The following NHSL1 variants were observed in gnomAD, a reference collection of about 807,000 sequenced individuals.
NHSL1 encodes the protein NHS like 1.
NHSL1 carries 48 observed loss-of-function variants against 95.0 expected under a neutral mutation model. That is an observed-to-expected ratio of 0.51 (90% CI 0.40 to 0.64). The LOEUF is 0.64. NHSL1 is among the 30% of genes least tolerant of loss of function. The pLI is 0.00. For missense variants in NHSL1, 1,971 were observed against 2,077.7 expected (o/e 0.95, Z 1.00); for synonymous variants, 783 against 833.9 (o/e 0.94, Z 1.05).
intron 1 of NHSL1, among the ~76,000 whole-genome samples, chr6:138,649,321 C>T (rs968523151): frequency 6.6e-6 from 1 of 151,986 alleles, no homozygotes; most frequent in Non-Finnish European, 1.5e-5. Context: ...AATAGCTTTA[C>T]TTCCTCAAGT....
intron 1 of NHSL1, among the ~76,000 whole-genome samples, chr6:138,497,477 C>T (rs1007762840): frequency 6.6e-6 from 1 of 152,108 alleles, no homozygotes; most frequent in African/African-American, 2.4e-5. Context: ...TCCATGTCCC[C>T]AACATAACAT....
At chr6:138,526,953 T>C (rs539284618) in intron 1 of NHSL1, among the ~76,000 whole-genome samples, 1 of 152,328 alleles carries the variant, frequency 6.6e-6, no homozygotes, top group African/African-American at 2.4e-5. Flanking sequence ...CGTGGTAGTT[T>C]TGGGAATTCC....
chr6:138,583,769 C>A (rs1402374166), intron 1 of NHSL1, among the ~76,000 whole-genome samples: 1 of 152,170 alleles, frequency 6.6e-6, no homozygotes, highest in Non-Finnish European at 1.5e-5. Context: ...TCTAATCTGG[C>A]TTGATTAGAT....
intron 1 of NHSL1, among the ~76,000 whole-genome samples, chr6:138,672,359 A>G (rs984402522): frequency 1.3e-5 from 2 of 152,100 alleles, no homozygotes; most frequent in African/African-American, 4.8e-5. Context: ...TTTCATCGCT[A>G]CCTCCTCCCT....
intron 1 of NHSL1, among the ~76,000 whole-genome samples, chr6:138,611,245 C>G (rs1384049369): frequency 6.6e-6 from 1 of 152,100 alleles, no homozygotes; most frequent in African/African-American, 2.4e-5. Context: ...AATCAACAGG[C>G]AGCATTTTAA....
chr6:138,520,105 CAATAAT>C (rs948096851), intron 1 of NHSL1, among the ~76,000 whole-genome samples: 16 of 151,540 alleles, frequency 1.1e-4, no homozygotes, highest in Non-Finnish European at 2.2e-4. Context: ...AGAATAATAA[CAATAAT>C]AACATAATAA....
At chr6:138,473,458 G>T in intron 2 of NHSL1, 25 bp from the exon 3 acceptor site, 1 of 1,389,180 alleles carries the variant, frequency 7.2e-7, no homozygotes, top group South Asian at 1.8e-5. Flanking sequence ...GCAGGGAGGG[G>T]AAGGAGGCCA....
intron 3 of NHSL1, among the ~76,000 whole-genome samples, chr6:138,469,269 T>G (rs766894204): frequency 3.3e-5 from 5 of 152,150 alleles, no homozygotes; most frequent in Admixed American, 6.5e-5. Context: ...TGCACACAAA[T>G]GAAACCCTCA....
intron 1 of NHSL1, among the ~76,000 whole-genome samples, chr6:138,651,440 T>A (rs1220729968): frequency 1.3e-5 from 2 of 152,228 alleles, no homozygotes; most frequent in African/African-American, 2.4e-5. Context: ...ATTTACATCA[T>A]TTTAAGTTAT....
At chr6:138,543,030 T>C (rs1782642995) in intron 1 of NHSL1, among the ~76,000 whole-genome samples, 1 of 152,192 alleles carries the variant, frequency 6.6e-6, no homozygotes, top group South Asian at 2.1e-4. Flanking sequence ...TTCTAAAGCA[T>C]TCGGATTATA....
chr6:138,670,533 G>A (rs1424122858), intron 1 of NHSL1, among the ~76,000 whole-genome samples: 3 of 149,384 alleles, frequency 2.0e-5, no homozygotes, highest in Non-Finnish European at 4.5e-5. Flanking sequence ...GGGCGTAGTG[G>A]CGGGCGCCTG....
At position 138,690,502 on chromosome 6, in the gene NHSL1, A is replaced by G. The variant is rs1785650913; in HGVS notation, c.96+1974T>C. 2.0e-5 allele frequency among the ~76,000 whole-genome samples: 3 copies of G among 152,098 alleles called. No individual in the cohort carries two copies. In the South Asian group the frequency reaches 6.2e-4, roughly 32 times the overall value. On this transcript the variant is annotated intron_variant, in intron 1 of 3. Coordinates refer to the NHSL1 transcript ENST00000491526. Reference sequence around the variant, plus strand: ...ACACCTGTAATCCCAGCACTTTGGGAGGTCGAGGCAGGTGGATCGCCTGAG... The same window carrying G: ...ACACCTGTAATCCCAGCACTTTGGGGGGTCGAGGCAGGTGGATCGCCTGAG...
At chr6:138,642,441 G>A (rs1474943285) in intron 1 of NHSL1, among the ~76,000 whole-genome samples, 1 of 152,120 alleles carries the variant, frequency 6.6e-6, no homozygotes, top group Non-Finnish European at 1.5e-5. Context: ...CATCTAAGAG[G>A]AAAGAATGAC....
intron 5 of NHSL1, among the ~76,000 whole-genome samples, chr6:138,440,367 A>G (rs887403917): frequency 4.6e-5 from 7 of 152,178 alleles, no homozygotes; most frequent in African/African-American, 1.4e-4. Context: ...AGGTAGGTTG[A>G]GGGAAGGTGC....
At chr6:138,569,161 A>C (rs971998763) in intron 1 of NHSL1, among the ~76,000 whole-genome samples, 4 of 152,156 alleles carry the variant, frequency 2.6e-5, no homozygotes, top group Non-Finnish European at 5.9e-5. Context: ...CAGAGATCCC[A>C]CAGGGGGACA....
intron 1 of NHSL1, among the ~76,000 whole-genome samples, chr6:138,688,008 G>A (rs992858424): frequency 6.6e-6 from 1 of 152,114 alleles, no homozygotes; most frequent in Non-Finnish European, 1.5e-5. Flanking sequence ...CTGGGGTGCA[G>A]TGGCGCCATC....
rs76800279 is a variant in NHSL1 at position 138,669,139 on chromosome 6, T to C, written c.96+23337A>G. On this transcript the variant is annotated intron_variant, in intron 1 of 3. Coordinates refer to the NHSL1 transcript ENST00000491526. Reference sequence around the variant, plus strand: ...GGCGAGGAAAGCACAGGGAAAGGTATTCTGCTTGAGAAGATAGGAAAACAC... The same window carrying C: ...GGCGAGGAAAGCACAGGGAAAGGTACTCTGCTTGAGAAGATAGGAAAACAC... Among the ~76,000 whole-genome samples the C allele has an allele frequency of 2.2e-3, 342 of 152,182 alleles. 8 individuals are homozygous for C. In the East Asian group the frequency reaches 0.058, roughly 26 times the overall value.
At chr6:138,425,338 C>T (rs1254471117) in intron 7 of NHSL1, among the ~76,000 whole-genome samples, 1 of 152,138 alleles carries the variant, frequency 6.6e-6, no homozygotes, top group Non-Finnish European at 1.5e-5. Context: ...CTCAGGTGAT[C>T]TGCCTGCCTC....
chr6:138,583,825 T>G (rs545340168), intron 1 of NHSL1, among the ~76,000 whole-genome samples: 8 of 152,156 alleles, frequency 5.3e-5, no homozygotes, highest in African/African-American at 1.9e-4. Context: ...AACTCTATAG[T>G]CCCCACTGCA....
Sources: allele counts gnomAD v4.1 joint callset (sites outside exome capture counted in the v4.1 genomes callset), GRCh38; gene constraint gnomAD v4.1.1; transcripts MANE v1.5; gene names NCBI Gene and HGNC (gene_info 2026-07-23, HGNC 2026-07-21).